Variants in HMGCLL1 observed in about 807,000 individuals in gnomAD.
HMGCLL1 encodes 3-hydroxymethyl-3-methylglutaryl-CoA lyase, cytoplasmic.
Under a neutral mutation model 39.1 loss-of-function variants are expected in HMGCLL1, and 36 were observed. That is an observed-to-expected ratio of 0.92 (90% CI 0.71 to 1.22). HMGCLL1 has a LOEUF of 1.22. Among genes scored for constraint, HMGCLL1 ranks in the 50% most tolerant of loss-of-function variants. The pLI, the probability that HMGCLL1 is intolerant of heterozygous loss-of-function variation, is 0.00. For missense variants in HMGCLL1, 451 were observed against 416.5 expected (o/e 1.08, Z -0.72); for synonymous variants, 149 against 144.0 (o/e 1.03, Z -0.25).
intron 7 of HMGCLL1, among the ~76,000 whole-genome samples, chr6:55,479,423 T>C (rs1360941501): frequency 1.3e-5 from 2 of 151,594 alleles, no homozygotes; most frequent in South Asian, 2.1e-4. Flanking sequence ...CTATGGGATG[T>C]GGTTTATTTA....
chr6:55,583,432 G>A (rs1772018981), upstream of HMGCLL1, among the ~76,000 whole-genome samples: 1 of 151,716 alleles, frequency 6.6e-6, no homozygotes, highest in South Asian at 2.1e-4. Context: ...ATCTATGAGT[G>A]AGAACATGCA....
At chr6:55,496,866 G>A (rs1464546578) in intron 6 of HMGCLL1, among the ~76,000 whole-genome samples, 1 of 152,112 alleles carries the variant, frequency 6.6e-6, no homozygotes, top group Non-Finnish European at 1.5e-5. Context: ...TAAGCTATTA[G>A]TAGTTAAGTT....
At chr6:55,542,372 A>G (rs894339832) in intron 1 of HMGCLL1, among the ~76,000 whole-genome samples, 1 of 152,162 alleles carries the variant, frequency 6.6e-6, no homozygotes, top group African/African-American at 2.4e-5. Context: ...AATTCAAAAG[A>G]TTAATTTATA....
chr6:55,536,438 GCTAAA>G (rs1263429738), intron 3 of HMGCLL1, among the ~76,000 whole-genome samples: 2 of 151,978 alleles, frequency 1.3e-5, no homozygotes, highest in Non-Finnish European at 1.5e-5. Flanking sequence ...CAATCAAATG[GCTAAA>G]CTAAAGATGA....
chr6:55,609,821 G>A, the HMGCLL1 span, among the ~76,000 whole-genome samples: 1 of 152,104 alleles, frequency 6.6e-6, no homozygotes. Context: ...CCAGGGGAAG[G>A]AGGAAGCACC....
At chr6:55,580,406 C>CTTTTTTTTTTT (rs145371462), upstream of HMGCLL1, among the ~76,000 whole-genome samples, 116 of 73,270 alleles carry the variant, frequency 1.6e-3, 2 homozygotes, top group Non-Finnish European at 1.9e-3. Context: ...TTTTTTCTTT[C>CTTTTTTTTTTT]TTTTTTTTTT....
chr6:55,675,807 T>C, the HMGCLL1 span, among the ~76,000 whole-genome samples: 1 of 152,148 alleles, frequency 6.6e-6, no homozygotes, highest in East Asian at 1.9e-4. Context: ...ATGTTTGATG[T>C]TATTGTTCAT....
chr6:55,591,074 CT>C, the HMGCLL1 span, among the ~76,000 whole-genome samples: 1 of 151,960 alleles, frequency 6.6e-6, no homozygotes, highest in Non-Finnish European at 1.5e-5. Context: ...TAAAAAGACA[CT>C]TTTTATGTAC....
chr6:55,457,727 TCGG>T (rs1764385717), intron 7 of HMGCLL1, among the ~76,000 whole-genome samples: 1 of 152,194 alleles, frequency 6.6e-6, no homozygotes, highest in Non-Finnish European at 1.5e-5. Flanking sequence ...TTCTTTCAAG[TCGG>T]CTATATCAAA....
the HMGCLL1 span, among the ~76,000 whole-genome samples, chr6:55,671,681 G>A: frequency 6.6e-6 from 1 of 151,660 alleles, no homozygotes; most frequent in African/African-American, 2.4e-5. Context: ...GTGGAGTTAG[G>A]TACCTGGGAA....
intron 1 of HMGCLL1, among the ~76,000 whole-genome samples, chr6:55,561,978 C>A (rs1235920840): frequency 6.6e-6 from 1 of 152,070 alleles, no homozygotes; most frequent in Non-Finnish European, 1.5e-5. Flanking sequence ...AATTTCCTTA[C>A]AAAATTCATA....
At chr6:55,629,030 T>G in the HMGCLL1 span, among the ~76,000 whole-genome samples, 2 of 152,158 alleles carry the variant, frequency 1.3e-5, no homozygotes, top group East Asian at 1.9e-4. Flanking sequence ...GGGACACTGC[T>G]GTAAATACCT....
intron 3 of HMGCLL1, 95 bp from the exon 4 acceptor site, chr6:55,516,698 TAG>T (rs1561931050): frequency 3.0e-6 from 2 of 677,488 alleles, no homozygotes; most frequent in South Asian, 2.7e-5. Flanking sequence ...CATGGACAGT[TAG>T]AGTCTTTAAA....
chr6:55,442,645 C>A (rs1236188345), intron 7 of HMGCLL1, among the ~76,000 whole-genome samples: 1 of 152,142 alleles, frequency 6.6e-6, no homozygotes, highest in Non-Finnish European at 1.5e-5. Flanking sequence ...TTCTCTACCT[C>A]CATTTCTTCT....
chr6:55,665,268 A>C, the HMGCLL1 span, among the ~76,000 whole-genome samples: 1 of 151,682 alleles, frequency 6.6e-6, no homozygotes, highest in Non-Finnish European at 1.5e-5. Context: ...GAGGCAGACA[A>C]GTGTATTTTA....
chr6:55,529,507 A>G (rs1245247858), intron 3 of HMGCLL1, among the ~76,000 whole-genome samples: 2 of 145,148 alleles, frequency 1.4e-5, no homozygotes, highest in Non-Finnish European at 3.1e-5. Context: ...TGGAAAAAAA[A>G]GGGTCTTATT....
At chr6:55,567,286 AT>A (rs901278378) in intron 1 of HMGCLL1, among the ~76,000 whole-genome samples, 5 of 152,040 alleles carry the variant, frequency 3.3e-5, no homozygotes, top group Admixed American at 3.3e-4. Context: ...TTGAAAAAAA[AT>A]GTATAAAACA....
chr6:55,562,915 G>A (rs894914417), intron 1 of HMGCLL1, among the ~76,000 whole-genome samples: 3 of 151,468 alleles, frequency 2.0e-5, no homozygotes, highest in African/African-American at 4.9e-5. Flanking sequence ...CCCCTTAAGA[G>A]CTCTAACTCC....
the HMGCLL1 span, among the ~76,000 whole-genome samples, chr6:55,603,474 G>A: frequency 1.6e-5 from 2 of 122,412 alleles, no homozygotes; most frequent in African/African-American, 5.8e-5. Flanking sequence ...ATTGCTCAGG[G>A]AGAACAGTTT....
Sources: gnomAD v4.1 joint callset for allele counts (sites outside exome capture counted in the v4.1 genomes callset) on GRCh38, gnomAD v4.1.1 for gene constraint, MANE v1.5 for transcripts, NCBI Gene and HGNC (gene_info 2026-07-23, HGNC 2026-07-21) for gene names.